The following DCLK2 variants were observed in gnomAD, a reference collection of about 807,000 sequenced individuals.
DCLK2 encodes the protein serine/threonine-protein kinase DCLK2.
Under a neutral mutation model 78.4 loss-of-function variants are expected in DCLK2, and 31 were observed. The observed-to-expected ratio is 0.40, with a 90% CI of 0.30 to 0.53. The LOEUF (loss-of-function observed/expected upper bound fraction) is 0.53. Ranked by LOEUF, DCLK2 falls within the 20% of genes least tolerant of loss-of-function variation. The pLI, the probability that DCLK2 is intolerant of heterozygous loss-of-function variation, is 0.61. For missense variants in DCLK2, 872 were observed against 973.7 expected (o/e 0.90, Z 1.39); for synonymous variants, 407 against 374.9 (o/e 1.09, Z -0.99).
At chr4:150,229,793 C>A (rs965816915) in intron 8 of DCLK2, among the ~76,000 whole-genome samples, 1 of 152,070 alleles carries the variant, frequency 6.6e-6, no homozygotes, top group Non-Finnish European at 1.5e-5. Flanking sequence ...GAGTTAGAAT[C>A]ATGAATCACT....
chr4:150,243,965 G>T (rs1743112974), intron 12 of DCLK2, among the ~76,000 whole-genome samples: 1 of 151,334 alleles, frequency 6.6e-6, no homozygotes, highest in African/African-American at 2.4e-5. Flanking sequence ...AAGAGACAGG[G>T]TCTCTGTTGA....
At chr4:150,138,698 A>G (rs1446878996) in intron 2 of DCLK2, among the ~76,000 whole-genome samples, 1 of 151,836 alleles carries the variant, frequency 6.6e-6, no homozygotes, top group Non-Finnish European at 1.5e-5. Context: ...ATGGAGTCTC[A>G]CTCTGTCACC....
intron 2 of DCLK2, among the ~76,000 whole-genome samples, chr4:150,140,463 T>G (rs975170909): frequency 1.3e-5 from 2 of 152,158 alleles, no homozygotes; most frequent in Non-Finnish European, 2.9e-5. Context: ...AGGACCCCAA[T>G]GGTGACGCTG....
intron 1 of DCLK2, among the ~76,000 whole-genome samples, chr4:150,101,208 T>C (rs556454456): frequency 3.1e-4 from 47 of 152,214 alleles, no homozygotes; most frequent in South Asian, 1.9e-3. Flanking sequence ...TGAGCCATGA[T>C]TGCGCCACTG....
At chr4:150,214,471 C>T (rs1740528199) in intron 5 of DCLK2, among the ~76,000 whole-genome samples, 1 of 152,174 alleles carries the variant, frequency 6.6e-6, no homozygotes, top group South Asian at 2.1e-4. Context: ...TAAGAAAGTT[C>T]TTGCTCACCA....
intron 2 of DCLK2, among the ~76,000 whole-genome samples, chr4:150,186,036 A>G (rs1560846249): frequency 1.3e-5 from 2 of 152,184 alleles, no homozygotes. Flanking sequence ...CAGAAATATT[A>G]CTTTCCCCTC....
chr4:150,198,768 A>G (rs1739243517), intron 4 of DCLK2, among the ~76,000 whole-genome samples: 1 of 152,210 alleles, frequency 6.6e-6, no homozygotes, highest in African/African-American at 2.4e-5. Flanking sequence ...TCTGAAGGAA[A>G]GAATTGTGAA....
At chr4:150,089,475 G>A (rs1257385190) in intron 1 of DCLK2, among the ~76,000 whole-genome samples, 1 of 152,094 alleles carries the variant, frequency 6.6e-6, no homozygotes, top group Non-Finnish European at 1.5e-5. Context: ...ACAAATATTA[G>A]GTGGCCACGT....
intron 10 of DCLK2, among the ~76,000 whole-genome samples, chr4:150,234,746 C>G (rs1470276268): frequency 1.4e-5 from 2 of 145,968 alleles, no homozygotes; most frequent in East Asian, 2.0e-4. Flanking sequence ...TATCCCTGCT[C>G]TGTGTTAAAA....
At chr4:150,236,072 T>G (rs1742480392) in intron 10 of DCLK2, among the ~76,000 whole-genome samples, 1 of 152,190 alleles carries the variant, frequency 6.6e-6, no homozygotes, top group Non-Finnish European at 1.5e-5. Context: ...TCCTTCTAAA[T>G]CATTAAGTTG....
chr4:150,115,339 A>G (rs1285753759), intron 2 of DCLK2, among the ~76,000 whole-genome samples: 1 of 151,652 alleles, frequency 6.6e-6, no homozygotes, highest in Non-Finnish European at 1.5e-5. Context: ...TGTAGCTAAT[A>G]ACCTTTTGAA....
chr4:150,220,834 T>G (rs1741134147), intron 6 of DCLK2, 56 bp downstream of exon 6: 1 of 1,370,634 alleles, frequency 7.3e-7, no homozygotes, highest in African/African-American at 1.4e-5. Context: ...GGGGACTTGG[T>G]GCTCACCTAA....
intron 2 of DCLK2, among the ~76,000 whole-genome samples, chr4:150,160,005 A>G (rs1277777723): frequency 7.6e-6 from 1 of 131,866 alleles, no homozygotes; most frequent in Non-Finnish European, 1.6e-5. Flanking sequence ...TTTTTTTTTT[A>G]ATTTTTATTA....
intron 2 of DCLK2, among the ~76,000 whole-genome samples, chr4:150,138,952 C>T (rs571700040): frequency 8.6e-5 from 13 of 151,414 alleles, no homozygotes; most frequent in South Asian, 8.4e-4. Flanking sequence ...GTGTGAGCCA[C>T]GGCGCCTGGC....
intron 2 of DCLK2, among the ~76,000 whole-genome samples, chr4:150,186,872 AAC>A (rs1284920540): frequency 2.7e-5 from 4 of 149,424 alleles, no homozygotes; most frequent in African/African-American, 7.4e-5. Flanking sequence ...CAGCCTGGGC[AAC>A]AGAGTGACTC....
chr4:150,209,491 T>A lies in DCLK2; in HGVS notation c.1056+5602T>A, dbSNP rs577584346. 3.3e-5 allele frequency among the ~76,000 whole-genome samples: 5 copies of A among 152,314 alleles called. No individual in the cohort carries two copies. In the South Asian group the frequency reaches 8.3e-4, roughly 25 times the overall value. Reference sequence around the variant, plus strand: ...TTCCTTTTGTCCTCTAATTCTTAAGTTTTTTTGTGATTATTCCGAGCTATT... The same window carrying A: ...TTCCTTTTGTCCTCTAATTCTTAAGATTTTTTGTGATTATTCCGAGCTATT... On this transcript the variant is annotated intron_variant, in intron 5 of 15. Coordinates refer to ENST00000296550, the MANE Select transcript of DCLK2 (RefSeq NM_001040260.4).
intron 10 of DCLK2, among the ~76,000 whole-genome samples, chr4:150,236,883 C>G (rs1742551060): frequency 6.6e-6 from 1 of 152,152 alleles, no homozygotes; most frequent in Admixed American, 6.5e-5. Flanking sequence ...CAGTTACAGA[C>G]TGTTCAGTCC....
chr4:150,122,097 C>A (rs1016600219), intron 2 of DCLK2, among the ~76,000 whole-genome samples: 1 of 152,134 alleles, frequency 6.6e-6, no homozygotes, highest in African/African-American at 2.4e-5. Context: ...TGAGCATTGG[C>A]TTCTTTTACT....
chr4:150,222,573 G>T (rs776292718), intron 7 of DCLK2, among the ~76,000 whole-genome samples: 9 of 152,008 alleles, frequency 5.9e-5, no homozygotes, highest in Non-Finnish European at 1.3e-4. Flanking sequence ...CAGGCCTGGT[G>T]GCTAGCTCAC....
Sources: gnomAD v4.1 joint callset for allele counts (sites outside exome capture counted in the v4.1 genomes callset) on GRCh38, gnomAD v4.1.1 for gene constraint, MANE v1.5 for transcripts, NCBI Gene and HGNC (gene_info 2026-07-23, HGNC 2026-07-21) for gene names.